The following TGFBR2 variants were observed in gnomAD, a reference collection of about 807,000 sequenced individuals.
The protein encoded by TGFBR2 is transforming growth factor beta receptor 2, also known as TGF-beta receptor type-2.
Under a neutral mutation model 49.0 loss-of-function variants are expected in TGFBR2, and 18 were observed. The ratio of observed to expected loss-of-function variants is 0.37; its 90% CI spans 0.25 to 0.54. The LOEUF is 0.54. Ranked by LOEUF, TGFBR2 falls within the 20% of genes least tolerant of loss-of-function variation. TGFBR2 has a pLI of 0.85. For synonymous variants in TGFBR2, 282 were observed against 275.9 expected (o/e 1.02, Z -0.22); for missense variants, 525 against 722.6 (o/e 0.73, Z 3.13).
At chr3:30,627,729 A>G (rs1698359854) in intron 1 of TGFBR2, among the ~76,000 whole-genome samples, 3 of 151,822 alleles carry the variant, frequency 2.0e-5, no homozygotes, top group African/African-American at 7.3e-5. Flanking sequence ...TGGGTCTGAG[A>G]CCATCTTAGA....
chr3:30,630,060 A>G lies in TGFBR2; in HGVS notation c.95-14687A>G, dbSNP rs74956062. On this transcript the variant is annotated intron_variant, in intron 1 of 6. Coordinates refer to ENST00000295754, the MANE Select transcript of TGFBR2 (RefSeq NM_003242.6). Reference sequence around the variant, plus strand: ...CTAAGAGTTACATTTATAGGCATACATTTTTACACTGGACATCACAAGAAA... The same window carrying G: ...CTAAGAGTTACATTTATAGGCATACGTTTTTACACTGGACATCACAAGAAA... Among the ~76,000 whole-genome samples, 12 of 152,288 alleles carry G rather than the reference A, an allele frequency of 7.9e-5. No individual in the cohort carries two copies. The East Asian group carries it at 2.1e-3, about 27-fold the overall frequency.
At chr3:30,624,264 T>C (rs922120207) in intron 1 of TGFBR2, among the ~76,000 whole-genome samples, 1 of 152,136 alleles carries the variant, frequency 6.6e-6, no homozygotes, top group African/African-American at 2.4e-5. Flanking sequence ...AAAGAAGGTA[T>C]ACATTGAAGA....
At chr3:30,680,369 C>T (rs1185756967) in intron 5 of TGFBR2, among the ~76,000 whole-genome samples, 5 of 152,148 alleles carry the variant, frequency 3.3e-5, no homozygotes, top group African/African-American at 1.2e-4. Context: ...TTTGAGATAA[C>T]TGTTTTATCT....
chr3:30,650,234 C>T (rs1430174122), intron 2 of TGFBR2, 36 bp from the exon 3 acceptor site: 15 of 1,595,122 alleles, frequency 9.4e-6, no homozygotes, highest in African/African-American at 1.3e-5. Context: ...CTCTCTCTCC[C>T]TCTCCCCTCG....
intron 1 of TGFBR2, among the ~76,000 whole-genome samples, chr3:30,629,138 G>A (rs1406877735): frequency 2.0e-5 from 3 of 152,176 alleles, no homozygotes; most frequent in Non-Finnish European, 2.9e-5. Context: ...TTGTCCTATA[G>A]GACTTTCTGC....
intron 3 of TGFBR2, among the ~76,000 whole-genome samples, chr3:30,659,984 T>C (rs1699088918): frequency 6.6e-6 from 1 of 152,168 alleles, no homozygotes; most frequent in Admixed American, 6.5e-5. Context: ...CATTTGGACA[T>C]CTGGATGACT....
At chr3:30,628,493 CAAA>C (rs5847642) in intron 1 of TGFBR2, among the ~76,000 whole-genome samples, 2 of 103,244 alleles carry the variant, frequency 1.9e-5, no homozygotes, top group Admixed American at 1.2e-4. Context: ...TTAAATCCTC[CAAA>C]AAAAAAAAAA....
chr3:30,659,869 C>T (rs943878466), intron 3 of TGFBR2, among the ~76,000 whole-genome samples: 3 of 151,852 alleles, frequency 2.0e-5, no homozygotes, highest in African/African-American at 7.3e-5. Flanking sequence ...TTGCGAGTGT[C>T]TCAGTGTCCC....
At chr3:30,681,918 A>T (rs1465550035) in intron 5 of TGFBR2, among the ~76,000 whole-genome samples, 2 of 152,162 alleles carry the variant, frequency 1.3e-5, no homozygotes, top group Non-Finnish European at 2.9e-5. Flanking sequence ...AGGGAAGGAA[A>T]CCAGTAAAGG....
At chr3:30,646,867 T>C (rs1044808155) in intron 2 of TGFBR2, among the ~76,000 whole-genome samples, 5 of 152,180 alleles carry the variant, frequency 3.3e-5, no homozygotes, top group African/African-American at 1.2e-4. Flanking sequence ...TAAATGTGAA[T>C]CAAGTCTCTC....
chr3:30,658,403 CGTT>C (rs1004065698), intron 3 of TGFBR2, among the ~76,000 whole-genome samples: 3 of 151,956 alleles, frequency 2.0e-5, no homozygotes, highest in African/African-American at 7.3e-5. Context: ...TTGTTGTTGT[CGTT>C]GTTGTTGTTT....
At chr3:30,675,875 T>C (rs1559468437) in intron 5 of TGFBR2, among the ~76,000 whole-genome samples, 2 of 152,160 alleles carry the variant, frequency 1.3e-5, no homozygotes, top group Non-Finnish European at 2.9e-5. Context: ...ATATACGTAT[T>C]TGTACTTCCA....
chr3:30,609,865 A>G (rs918332696), intron 1 of TGFBR2, among the ~76,000 whole-genome samples: 4 of 152,094 alleles, frequency 2.6e-5, no homozygotes, highest in Admixed American at 2.0e-4. Flanking sequence ...GCCACTCAAC[A>G]TCTTATTTTT....
intron 1 of TGFBR2, among the ~76,000 whole-genome samples, chr3:30,620,689 G>A (rs981516793): frequency 4.6e-5 from 7 of 152,052 alleles, no homozygotes; most frequent in Admixed American, 4.6e-4. Flanking sequence ...ATAGAGACCA[G>A]GCAAAGTCAT....
At chr3:30,673,884 G>A (rs1699384947) in intron 4 of TGFBR2, among the ~76,000 whole-genome samples, 1 of 152,148 alleles carries the variant, frequency 6.6e-6, no homozygotes, top group Non-Finnish European at 1.5e-5. Flanking sequence ...ATTTTGGCAT[G>A]CTTTGTTTAT....
At chr3:30,627,171 G>T (rs7355815) in intron 1 of TGFBR2, among the ~76,000 whole-genome samples, 1 of 152,108 alleles carries the variant, frequency 6.6e-6, no homozygotes. Flanking sequence ...TCCAGACCTC[G>T]TTCCGCACAC....
intron 3 of TGFBR2, among the ~76,000 whole-genome samples, chr3:30,665,846 A>G (rs1163100637): frequency 6.6e-6 from 1 of 152,252 alleles, no homozygotes; most frequent in Non-Finnish European, 1.5e-5. Flanking sequence ...AATGCATAAA[A>G]TAGAACATGG....
In TGFBR2 at chr3:30,654,955, C is replaced by T. The variant is rs1048558839; in HGVS notation, c.454+4495C>T. On this transcript the variant is annotated intron_variant, in intron 3 of 6. Coordinates refer to ENST00000295754, the MANE Select transcript of TGFBR2 (RefSeq NM_003242.6). ...TCTGCTGGTTTAGGTAAGAGAGAAA[C>T]GGTCTAGTGTAATACTCAAGAATGA... 3.2e-4 allele frequency among the ~76,000 whole-genome samples: 49 copies of T among 152,166 alleles called. 1 individual carries two copies. The highest frequency in any genetic ancestry group is 1.1e-3 in the African/African-American group (47 of 41,430).
intron 1 of TGFBR2, among the ~76,000 whole-genome samples, chr3:30,644,356 C>T (rs1383139049): frequency 6.6e-6 from 1 of 152,164 alleles, no homozygotes; most frequent in African/African-American, 2.4e-5. Flanking sequence ...TGGTCTGTTT[C>T]CTGTCTTATT....
Sources: allele counts gnomAD v4.1 joint callset (sites outside exome capture counted in the v4.1 genomes callset), GRCh38; gene constraint gnomAD v4.1.1; transcripts MANE v1.5; gene names NCBI Gene and HGNC (gene_info 2026-07-23, HGNC 2026-07-21).